The following SIAH3 variants were observed in gnomAD, a reference collection of about 807,000 sequenced individuals.
The protein encoded by SIAH3 is seven in absentia homolog 3.
Under a neutral mutation model 12.6 loss-of-function variants are expected in SIAH3, and 9 were observed. The observed-to-expected ratio is 0.72, with a 90% CI of 0.43 to 1.25. SIAH3 has a LOEUF of 1.25. SIAH3 is among the 50% of genes most tolerant of loss of function. The probability of loss-of-function intolerance (pLI) is 0.00; values close to 1 mark genes in which losing one functional copy is unlikely to be tolerated. For missense variants in SIAH3, 390 were observed against 365.4 expected (o/e 1.07, Z -0.55); for synonymous variants, 154 against 151.1 (o/e 1.02, Z -0.14).
At chr13:45,806,546 A>G (rs1446426096) in intron 1 of SIAH3, among the ~76,000 whole-genome samples, 2 of 152,166 alleles carry the variant, frequency 1.3e-5, no homozygotes, top group Non-Finnish European at 2.9e-5. Context: ...GATGGCACCA[A>G]TAGACATTGG....
rs1458146765 is a variant in SIAH3 at position 45,826,409 on chromosome 13, A to AG, written c.135+25085_135+25086insC. 1.3e-3 allele frequency among the ~76,000 whole-genome samples: 115 copies of AG among 86,988 alleles called. 15 individuals carry two copies. Among genetic ancestry groups the AG allele is most frequent in the Middle Eastern group, 5.9e-3 (1 of 170 alleles). The allele number at this position is 86,988 out of a possible 152,430, so 57.1% of individuals were successfully genotyped here. A position where few individuals can be genotyped will look rare whatever the true frequency, so the allele number is the denominator to read the frequency against. On this transcript the variant is annotated intron_variant, in intron 1 of 1. Coordinates refer to ENST00000400405, the MANE Select transcript of SIAH3 (RefSeq NM_198849.3). The stretch of plus-strand genomic sequence containing the variant: ...GATGGATGGATGGATGGATGGATGG[A>AG]TGGATGGATGGATGGATGGATGAAT...
chr13:45,849,863 A>G (rs1329777294), intron 1 of SIAH3, among the ~76,000 whole-genome samples: 1 of 152,262 alleles, frequency 6.6e-6, no homozygotes, highest in Non-Finnish European at 1.5e-5. Context: ...ACAGAAGTAA[A>G]CAAAATTTCT....
At chr13:45,823,095 G>A (rs920414607) in intron 1 of SIAH3, among the ~76,000 whole-genome samples, 1 of 152,132 alleles carries the variant, frequency 6.6e-6, no homozygotes, top group Non-Finnish European at 1.5e-5. Context: ...TAGAAGGTGG[G>A]CATCCTATTC....
chr13:45,848,760 T>C (rs1190203118), intron 1 of SIAH3, among the ~76,000 whole-genome samples: 8 of 152,188 alleles, frequency 5.3e-5, no homozygotes, highest in African/African-American at 7.2e-5. Context: ...ACCCATAAAA[T>C]TGAAAGCAAG....
chr13:45,783,364 G>T lies in SIAH3; in HGVS notation c.*19C>A. 6.3e-7 allele frequency: 1 copy of T among 1,593,426 alleles called. No individual in the cohort carries two copies. Among genetic ancestry groups the T allele is most frequent in the East Asian group, 2.2e-5 (1 of 44,468 alleles). ...GTTTCCTAGGGAGGCTGTGTGGGGA[G>T]CATCCGTGGCTCCTGGCCTCACATT... is the stretch of plus-strand genomic sequence containing the variant. On this transcript the variant is annotated 3_prime_UTR_variant, in exon 2 of 2. Transcript: ENST00000400405.
intron 1 of SIAH3, among the ~76,000 whole-genome samples, chr13:45,785,430 A>T (rs186900442): frequency 6.8e-6 from 1 of 147,964 alleles, no homozygotes; most frequent in African/African-American, 2.5e-5. Flanking sequence ...GAAGGTCACC[A>T]GCCACTGTTG....
At chr13:45,813,329 A>T (rs1290233758) in intron 1 of SIAH3, among the ~76,000 whole-genome samples, 1 of 152,214 alleles carries the variant, frequency 6.6e-6, no homozygotes, top group East Asian at 1.9e-4. Flanking sequence ...AGAGGATGGG[A>T]AAGAGGCTGT....
chr13:45,786,083 G>C (rs1405702803), intron 1 of SIAH3, among the ~76,000 whole-genome samples: 1 of 152,196 alleles, frequency 6.6e-6, no homozygotes, highest in Non-Finnish European at 1.5e-5. Context: ...CCACCTGCCT[G>C]CTGGTGGCAT....
chr13:45,798,465 G>C (rs771649149), intron 1 of SIAH3, among the ~76,000 whole-genome samples: 11 of 152,220 alleles, frequency 7.2e-5, no homozygotes, highest in Non-Finnish European at 1.6e-4. Flanking sequence ...GGGAGGAATT[G>C]CTTCTGGGAG....
At chr13:45,798,291 A>AC (rs1267837964) in intron 1 of SIAH3, among the ~76,000 whole-genome samples, 1 of 152,232 alleles carries the variant, frequency 6.6e-6, no homozygotes, top group Non-Finnish European at 1.5e-5. Flanking sequence ...GGGCCCATTG[A>AC]TTTCCATACC....
chr13:45,851,748 A>G lies in SIAH3; in HGVS notation c.-119T>C, dbSNP rs1950783286. 4.1e-6 allele frequency: 5 copies of G among 1,223,848 alleles called. No homozygotes were observed. Among genetic ancestry groups the G allele is most frequent in the Non-Finnish European group, 5.8e-6 (5 of 867,354 alleles). The allele number at this position is 1,223,848 out of a possible 1,614,324, so 75.8% of individuals were successfully genotyped here. A position where few individuals can be genotyped will look rare whatever the true frequency, so the allele number is the denominator to read the frequency against. ...CTCCAGCCCGGCTTAGCGCGCCTTC[A>G]TATTCATCATCAAAATAAGACGGTT... On this transcript the variant is annotated 5_prime_UTR_variant, in exon 1 of 2. It removes an upstream start codon present in the reference 5' UTR. Coordinates refer to ENST00000400405, the MANE Select transcript of SIAH3 (RefSeq NM_198849.3).
chr13:45,806,553 T>C (rs571986691), intron 1 of SIAH3, among the ~76,000 whole-genome samples: 4 of 152,140 alleles, frequency 2.6e-5, no homozygotes, highest in South Asian at 2.1e-4. Context: ...CCAATAGACA[T>C]TGGGGACTAT....
Position 45,783,342 on chromosome 13 carries a change from T to A in SIAH3, c.*41A>T. 6.4e-7 allele frequency: 1 copy of A among 1,561,194 alleles called. No homozygotes were observed. The highest frequency in any genetic ancestry group is 8.7e-7 in the Non-Finnish European group (1 of 1,144,140). ...CTGGTATTGGGAGGTCCCAGGCGTT[T>A]CCTAGGGAGGCTGTGTGGGGAGCAT... On this transcript the variant is annotated 3_prime_UTR_variant, in exon 2 of 2. Coordinates refer to ENST00000400405, the MANE Select transcript of SIAH3 (RefSeq NM_198849.3).
intron 1 of SIAH3, among the ~76,000 whole-genome samples, chr13:45,842,227 G>A (rs1477992321): frequency 6.6e-6 from 1 of 152,148 alleles, no homozygotes; most frequent in Non-Finnish European, 1.5e-5. Flanking sequence ...AGGAACTTGG[G>A]TCACATTTTG....
intron 1 of SIAH3, among the ~76,000 whole-genome samples, chr13:45,816,906 T>C (rs1036064733): frequency 3.3e-5 from 5 of 152,238 alleles, no homozygotes; most frequent in Non-Finnish European, 7.3e-5. Context: ...CAGGTACTAA[T>C]GTCATTGACA....
chr13:45,851,082 G>C (rs550344336), intron 1 of SIAH3, among the ~76,000 whole-genome samples: 13 of 140,108 alleles, frequency 9.3e-5, no homozygotes, highest in Non-Finnish European at 1.8e-4. Context: ...CCTCGTGTTT[G>C]ACCACCTCTC....
chr13:45,823,315 G>A (rs1167006742), intron 1 of SIAH3, among the ~76,000 whole-genome samples: 6 of 152,090 alleles, frequency 3.9e-5, no homozygotes, highest in African/African-American at 1.4e-4. Context: ...AGCTCCCCAG[G>A]CAATTCTAAT....
At chr13:45,845,104 A>C (rs1269497485) in intron 1 of SIAH3, among the ~76,000 whole-genome samples, 3 of 152,160 alleles carry the variant, frequency 2.0e-5, no homozygotes, top group Non-Finnish European at 4.4e-5. Flanking sequence ...ATACTATGCT[A>C]TATATTTAAT....
chr13:45,831,133 C>T (rs573542908), intron 1 of SIAH3, among the ~76,000 whole-genome samples: 171 of 151,586 alleles, frequency 1.1e-3, no homozygotes, highest in Non-Finnish European at 2.1e-3. Flanking sequence ...GAGCCGAGAT[C>T]GGGCCACTGC....
Sources: allele counts gnomAD v4.1 joint callset (sites outside exome capture counted in the v4.1 genomes callset), GRCh38; gene constraint gnomAD v4.1.1; transcripts MANE v1.5; gene names NCBI Gene and HGNC (gene_info 2026-07-23, HGNC 2026-07-21).